ACVR1C: variants seen among roughly 807,000 people sequenced by gnomAD.
The protein encoded by ACVR1C is activin receptor type-1C.
A neutral mutation model predicts 57.9 loss-of-function variants in ACVR1C; 23 were observed. The ratio of observed to expected loss-of-function variants is 0.40; its 90% CI spans 0.29 to 0.56. ACVR1C has a LOEUF of 0.56. ACVR1C is among the 20% of genes least tolerant of loss of function. The pLI, the probability that ACVR1C is intolerant of heterozygous loss-of-function variation, is 0.50. For missense variants in ACVR1C, 480 were observed against 607.9 expected, an observed-to-expected ratio of 0.79 and a Z score of 2.21; for synonymous variants, 214 against 215.3, an observed-to-expected ratio of 0.99 and a Z score of 0.05.
chr2:157,560,731 T>C (rs901770792), intron 2 of ACVR1C, among the ~76,000 whole-genome samples: 1 of 152,212 alleles, frequency 6.6e-6, no homozygotes, highest in Non-Finnish European at 1.5e-5. Flanking sequence ...TTCTCTGAAA[T>C]GCACCTTCAG....
chr2:157,599,828 A>T (rs1012850471), intron 1 of ACVR1C, among the ~76,000 whole-genome samples: 4 of 152,156 alleles, frequency 2.6e-5, no homozygotes, highest in Non-Finnish European at 5.9e-5. Context: ...TAGCATGGAG[A>T]GGTGAACCTG....
intron 2 of ACVR1C, among the ~76,000 whole-genome samples, chr2:157,564,190 G>C (rs1050719523): frequency 3.3e-5 from 5 of 152,054 alleles, no homozygotes; most frequent in South Asian, 2.1e-4. Context: ...CCTACAGAAC[G>C]GAAGAAAATT....
chr2:157,537,638 C>T (rs984615966), intron 8 of ACVR1C, among the ~76,000 whole-genome samples: 1 of 151,930 alleles, frequency 6.6e-6, no homozygotes, highest in Non-Finnish European at 1.5e-5. Context: ...AAAACAAAGC[C>T]AGACTAAAAG....
chr2:157,608,159 C>T (rs1009202010), intron 1 of ACVR1C, among the ~76,000 whole-genome samples: 4 of 151,558 alleles, frequency 2.6e-5, no homozygotes, highest in Non-Finnish European at 5.9e-5. Flanking sequence ...GTATATGCCT[C>T]CTATGCCTAG....
chr2:157,623,536 T>C (rs1439072563), intron 1 of ACVR1C, among the ~76,000 whole-genome samples: 2 of 152,074 alleles, frequency 1.3e-5, no homozygotes, highest in African/African-American at 2.4e-5. Context: ...TTCTCACTTA[T>C]TTGTGGGATC....
chr2:157,549,656 T>C (rs1415923055), intron 4 of ACVR1C, among the ~76,000 whole-genome samples: 1 of 151,786 alleles, frequency 6.6e-6, no homozygotes, highest in African/African-American at 2.4e-5. Flanking sequence ...AGGAAAGGAT[T>C]TTATATAAAT....
intron 1 of ACVR1C, chr2:157,597,381 C>T: frequency 1.0e-6 from 1 of 985,500 alleles, no homozygotes; most frequent in South Asian, 4.7e-5. Flanking sequence ...GGTTGGAGCT[C>T]GGAGCCCTCC....
chr2:157,554,765 T>C (rs944067539), intron 3 of ACVR1C, among the ~76,000 whole-genome samples: 4 of 152,170 alleles, frequency 2.6e-5, no homozygotes, highest in Admixed American at 6.5e-5. Context: ...CCGAAAGCCA[T>C]TGGCAAGGGA....
intron 1 of ACVR1C, among the ~76,000 whole-genome samples, chr2:157,589,901 C>T (rs1017074360): frequency 6.6e-5 from 10 of 151,700 alleles, no homozygotes; most frequent in Non-Finnish European, 7.4e-5. Flanking sequence ...AACTGATCTC[C>T]GACAAAGCAC....
At chr2:157,599,595 A>T (rs1245057208) in intron 1 of ACVR1C, among the ~76,000 whole-genome samples, 1 of 152,160 alleles carries the variant, frequency 6.6e-6, no homozygotes, top group Non-Finnish European at 1.5e-5. Flanking sequence ...GGTCTATTTT[A>T]TAGGACTTGG....
chr2:157,566,654 G>C (rs1306208912), intron 2 of ACVR1C, among the ~76,000 whole-genome samples: 1 of 151,742 alleles, frequency 6.6e-6, no homozygotes, highest in African/African-American at 2.4e-5. Flanking sequence ...TTTTCAGACC[G>C]GCTTAAGAAA....
chr2:157,599,167 C>G (rs1217945612), intron 1 of ACVR1C, among the ~76,000 whole-genome samples: 1 of 151,542 alleles, frequency 6.6e-6, no homozygotes, highest in African/African-American at 2.4e-5. Context: ...ACCCCGTCTC[C>G]ACTAAAAATA....
At chr2:157,573,833 C>T (rs1002878989) in intron 2 of ACVR1C, among the ~76,000 whole-genome samples, 2 of 151,930 alleles carry the variant, frequency 1.3e-5, no homozygotes, top group African/African-American at 2.4e-5. Flanking sequence ...AACCAAGCAA[C>T]AAAATGGGAT....
At chr2:157,562,773 G>A (rs1232529811) in intron 2 of ACVR1C, among the ~76,000 whole-genome samples, 1 of 152,080 alleles carries the variant, frequency 6.6e-6, no homozygotes, top group East Asian at 1.9e-4. Context: ...TAACCATCAC[G>A]ATCAAGTCGG....
At chr2:157,542,928 T>G in intron 5 of ACVR1C, 66 bp from the exon 6 acceptor site, 1 of 1,496,654 alleles carries the variant, frequency 6.7e-7, no homozygotes, top group Non-Finnish European at 9.0e-7. Context: ...GAAATCATCC[T>G]GAAGACTTAG....
At chr2:157,622,621 A>G (rs539512777) in intron 1 of ACVR1C, among the ~76,000 whole-genome samples, 2 of 152,272 alleles carry the variant, frequency 1.3e-5, no homozygotes, top group South Asian at 4.1e-4. Flanking sequence ...AGTCAAATCA[A>G]AATGAATTAA....
chr2:157,602,604 T>C (rs1219522713), intron 1 of ACVR1C, among the ~76,000 whole-genome samples: 1 of 152,178 alleles, frequency 6.6e-6, no homozygotes, highest in East Asian at 1.9e-4. Context: ...ATTAGAGTTA[T>C]TATTCACAAA....
At chr2:157,578,182 G>A (rs1688709121) in intron 2 of ACVR1C, among the ~76,000 whole-genome samples, 1 of 152,186 alleles carries the variant, frequency 6.6e-6, no homozygotes, top group Non-Finnish European at 1.5e-5. Flanking sequence ...CGGGATTGCA[G>A]GCTTGAGCCA....
intron 1 of ACVR1C, among the ~76,000 whole-genome samples, chr2:157,600,324 A>G (rs1247773771): frequency 6.6e-6 from 1 of 152,252 alleles, no homozygotes; most frequent in Non-Finnish European, 1.5e-5. Flanking sequence ...GGCATACTCA[A>G]TCTATTTGGG....
Sources: gnomAD v4.1 joint callset for allele counts (sites outside exome capture counted in the v4.1 genomes callset) on GRCh38, gnomAD v4.1.1 for gene constraint, MANE v1.5 for transcripts, NCBI Gene and HGNC (gene_info 2026-07-23, HGNC 2026-07-21) for gene names.